The following PLXNA4 variants were observed in gnomAD, a reference collection of about 807,000 sequenced individuals.
PLXNA4 encodes the protein plexin-A4.
A neutral mutation model predicts 191.8 loss-of-function variants in PLXNA4; 44 were observed. The ratio of observed to expected loss-of-function variants is 0.23; its 90% CI spans 0.18 to 0.29. The LOEUF is 0.29. Among genes scored for constraint, PLXNA4 ranks in the 10% least tolerant of loss-of-function variants. The pLI, the probability that PLXNA4 is intolerant of heterozygous loss-of-function variation, is 1.00. For missense variants in PLXNA4, 1,800 were observed against 2,488.8 expected (o/e 0.72, Z 5.89); for synonymous variants, 1,082 against 1,009.5 (o/e 1.07, Z -1.36).
chr7:132,375,385 T>C (rs1804620042), intron 3 of PLXNA4, among the ~76,000 whole-genome samples: 1 of 148,572 alleles, frequency 6.7e-6, no homozygotes. Flanking sequence ...CCCCAAGAGG[T>C]AGAAAAGGCT....
At chr7:132,540,680 C>T (rs1296954806) in intron 1 of PLXNA4, among the ~76,000 whole-genome samples, 2 of 147,328 alleles carry the variant, frequency 1.4e-5, no homozygotes, top group African/African-American at 2.5e-5. Flanking sequence ...CTCCGCTTCC[C>T]GGGTTCACGC....
chr7:132,221,765 T>G (rs534841846), intron 9 of PLXNA4, among the ~76,000 whole-genome samples: 136 of 152,382 alleles, frequency 8.9e-4, no homozygotes, highest in Non-Finnish European at 1.7e-3. Flanking sequence ...TCTCTTTTCC[T>G]GACTGTGAAT....
At chr7:132,524,721 C>T (rs1431698346) in intron 1 of PLXNA4, among the ~76,000 whole-genome samples, 1 of 152,166 alleles carries the variant, frequency 6.6e-6, no homozygotes, top group Admixed American at 6.5e-5. Flanking sequence ...GTGCCCATCA[C>T]CACGCCCAGC....
In PLXNA4 at chr7:132,181,440, C is replaced by T. The variant is rs1438912738; in HGVS notation, c.3433G>A (p.Glu1145Lys). 6.2e-7 allele frequency: 1 copy of T among 1,613,992 alleles called. No homozygotes were observed. Among genetic ancestry groups the T allele is most frequent in the Non-Finnish European group, 8.5e-7 (1 of 1,180,026 alleles). The change falls in exon 18 of 32, where the codon GAG becomes AAG. Residue 1145 changes from glutamate (E) to lysine (K), a missense_variant. Transcript: ENST00000321063. Reference protein sequence around the residue: ...NFTYYPNPVFEAFGPSGILEL... With the variant: ...NFTYYPNPVFKAFGPSGILEL... ...AGGATTCCTGAGGGACCAAAGGCCT[C>T]AAACACCGGGTTGGGATAGTAGGTG...
At chr7:132,495,497 A>G (rs1216485850) in intron 2 of PLXNA4, among the ~76,000 whole-genome samples, 2 of 152,082 alleles carry the variant, frequency 1.3e-5, no homozygotes, top group Admixed American at 1.3e-4. Context: ...TCCTCCAGCC[A>G]CCTATGTACC....
In PLXNA4 at chr7:132,407,528, G is replaced by GCA. The variant is rs529342653; in HGVS notation, c.1371+81762_1371+81763dup. On this transcript the variant is annotated intron_variant, in intron 3 of 31. Transcript: ENST00000321063. ...CAAATACACACATGCACACACACTT[G>GCA]CACACACACATGTGCACACAAATTG... Among the ~76,000 whole-genome samples the GCA allele has an allele frequency of 1.5e-3, 228 of 152,220 alleles. 1 individual carries two copies. Among genetic ancestry groups the GCA allele is most frequent in the African/African-American group, 5.2e-3 (218 of 41,530 alleles).
intron 2 of PLXNA4, among the ~76,000 whole-genome samples, chr7:132,637,304 C>T (rs1231614068): frequency 6.6e-6 from 1 of 152,128 alleles, no homozygotes; most frequent in Non-Finnish European, 1.5e-5. Flanking sequence ...GTCCAAGCAC[C>T]CCTTCACCTG....
intron 2 of PLXNA4, among the ~76,000 whole-genome samples, chr7:132,614,655 G>A (rs541216224): frequency 1.3e-5 from 2 of 152,354 alleles, no homozygotes; most frequent in African/African-American, 4.8e-5. Context: ...TGTGTGCAGC[G>A]CTCTGATGCC....
rs1794751492 is a variant in PLXNA4, at chr7:132,125,726, A to T, written c.*4753T>A. 1 of 147,450 alleles carries T rather than the reference A, an allele frequency of 6.8e-6. No individual in the cohort carries two copies. The highest frequency in any genetic ancestry group is 1.5e-5 in the Non-Finnish European group (1 of 67,266). 9.1% of individuals were successfully genotyped at this position (147,450 alleles called of 1,614,324 possible). A position where few individuals can be genotyped will look rare whatever the true frequency, so the allele number is the denominator to read the frequency against. On this transcript the variant is annotated 3_prime_UTR_variant, in exon 32 of 32. Coordinates refer to ENST00000321063, the MANE Select transcript of PLXNA4 (RefSeq NM_020911.2). ...TTGATGTAGACGAGGACCAGGAGGG[A>T]TGGCGGGGGGGGATTTGGGGCATGG...
intron 3 of PLXNA4, among the ~76,000 whole-genome samples, chr7:132,336,887 A>G (rs1169936562): frequency 3.3e-5 from 5 of 152,206 alleles, no homozygotes; most frequent in Non-Finnish European, 7.3e-5. Flanking sequence ...ATTAACTCCT[A>G]TAGTTAAAAG....
rs1265001094 is a variant in PLXNA4, at chr7:132,129,151, C to T, written c.*1328G>A. The T allele has an allele frequency of 6.6e-6, 1 of 152,282 alleles. No homozygotes were observed. The highest frequency in any genetic ancestry group is 1.9e-4 in the East Asian group (1 of 5,182). 9.4% of individuals were successfully genotyped at this position (152,282 alleles called of 1,614,324 possible). A position where few individuals can be genotyped will look rare whatever the true frequency, so the allele number is the denominator to read the frequency against. On this transcript the variant is annotated 3_prime_UTR_variant, in exon 32 of 32. Coordinates refer to ENST00000321063, the MANE Select transcript of PLXNA4 (RefSeq NM_020911.2). ...AGGCCCATCAGCTCGACTCTTTGTC[C>T]CTCCCAGATCTGACAAGCTGGAGGC...
chr7:132,420,152 G>A (rs1204744542), intron 3 of PLXNA4, among the ~76,000 whole-genome samples: 2 of 152,166 alleles, frequency 1.3e-5, no homozygotes, highest in African/African-American at 4.8e-5. Flanking sequence ...CACGAGTCAA[G>A]GTCAAGTCCA....
At position 132,310,784 on chromosome 7, in the gene PLXNA4, C is replaced by T. The variant is rs532208566; in HGVS notation, c.1372-12562G>A. Among the ~76,000 whole-genome samples, 3 of 152,346 alleles carry T rather than the reference C, an allele frequency of 2.0e-5. No homozygotes were observed. In the South Asian group the frequency reaches 6.2e-4, roughly 32 times the overall value. Reference sequence around the variant, plus strand: ...GCCCTAGGTTCTTCCCCTGCAGCCTCATCAAGCTACTGGGGCACCAGCACT... The same window carrying T: ...GCCCTAGGTTCTTCCCCTGCAGCCTTATCAAGCTACTGGGGCACCAGCACT... On this transcript the variant is annotated intron_variant, in intron 3 of 31. Transcript: ENST00000321063.
intron 4 of PLXNA4, among the ~76,000 whole-genome samples, chr7:132,246,589 C>G (rs1562989462): frequency 6.6e-6 from 1 of 152,140 alleles, no homozygotes; most frequent in Non-Finnish European, 1.5e-5. Context: ...ACAGTTATGG[C>G]CAGAAATCAC....
intron 3 of PLXNA4, among the ~76,000 whole-genome samples, chr7:132,331,671 A>G (rs562065291): frequency 3.9e-5 from 6 of 152,314 alleles, no homozygotes; most frequent in African/African-American, 1.4e-4. Context: ...TAATAATTAT[A>G]ATGGTGGCTA....
intron 3 of PLXNA4, among the ~76,000 whole-genome samples, chr7:132,314,209 G>A (rs1468342450): frequency 6.6e-6 from 1 of 152,130 alleles, no homozygotes; most frequent in Non-Finnish European, 1.5e-5. Context: ...CCAAACAAAA[G>A]TCTCATTTTG....
chr7:132,321,975 C>T (rs1802185818), intron 3 of PLXNA4, among the ~76,000 whole-genome samples: 1 of 151,998 alleles, frequency 6.6e-6, no homozygotes, highest in South Asian at 2.1e-4. Flanking sequence ...TTTTTTGTCC[C>T]AATCACCAAA....
chr7:132,621,246 G>GTT (rs373540061), intron 2 of PLXNA4, among the ~76,000 whole-genome samples: 25 of 127,516 alleles, frequency 2.0e-4, no homozygotes, highest in South Asian at 5.0e-4. Context: ...GTTTTTTTTT[G>GTT]TTTTTTTTTT....
At chr7:132,315,548 A>C (rs1020611024) in intron 3 of PLXNA4, among the ~76,000 whole-genome samples, 9 of 152,230 alleles carry the variant, frequency 5.9e-5, no homozygotes, top group Admixed American at 3.3e-4. Flanking sequence ...ATGATGCTCA[A>C]AGTTAGATTA....
Sources: gnomAD v4.1 joint callset for allele counts (sites outside exome capture counted in the v4.1 genomes callset) on GRCh38, gnomAD v4.1.1 for gene constraint, MANE v1.5 for transcripts, NCBI Gene and HGNC (gene_info 2026-07-23, HGNC 2026-07-21) for gene names.